Variants in PCDHGA7 observed in about 807,000 individuals in gnomAD.
PCDHGA7 encodes the protein protocadherin gamma subfamily A, 7.
Under a neutral mutation model 58.3 loss-of-function variants are expected in PCDHGA7, and 44 were observed. The ratio of observed to expected loss-of-function variants is 0.75; its 90% CI spans 0.59 to 0.97. The LOEUF (loss-of-function observed/expected upper bound fraction) is 0.97. Ranked by LOEUF, PCDHGA7 falls within the 50% of genes least tolerant of loss-of-function variation. PCDHGA7 has a pLI of 0.00. For missense variants in PCDHGA7, 1,266 were observed against 1,188.7 expected (o/e 1.06, Z -0.96); for synonymous variants, 516 against 504.2 (o/e 1.02, Z -0.31).
chr5:141,407,497 G>GTTTTTTTTTTTTTTTTTTTTTTTTT (rs1554102286), intron 1 of PCDHGA7, among the ~76,000 whole-genome samples: 1 of 151,974 alleles, frequency 6.6e-6, no homozygotes, highest in African/African-American at 2.4e-5. Context: ...CTTTATTTCT[G>GTTTTTTTTTTTTTTTTTTTTTTTTT]TTTTTCTTAG....
chr5:141,449,075 T>C (rs1452456191), intron 1 of PCDHGA7, among the ~76,000 whole-genome samples: 3 of 152,240 alleles, frequency 2.0e-5, no homozygotes, highest in African/African-American at 7.2e-5. Context: ...AATAGCCCTG[T>C]ACCTACATCA....
chr5:141,508,269 C>T (rs1459186158), intron 3 of PCDHGA7: 1 of 152,186 alleles, frequency 6.6e-6, no homozygotes, highest in East Asian at 1.9e-4. Flanking sequence ...GAGAAAATCC[C>T]GGTCCTTGAC....
chr5:141,392,568 T>A (rs2092555063), intron 1 of PCDHGA7: 4 of 442,486 alleles, frequency 9.0e-6, no homozygotes, highest in Non-Finnish European at 1.2e-5. Context: ...CAGTAACTAT[T>A]TAGGACTGTA....
chr5:141,391,000 T>C (rs2092286539), intron 1 of PCDHGA7: 1 of 152,230 alleles, frequency 6.6e-6, no homozygotes, highest in Admixed American at 6.5e-5. Flanking sequence ...TTCAAGCTCA[T>C]TCTATATCCT....
chr5:141,507,937 A>T (rs2154594220), intron 3 of PCDHGA7: 1 of 152,420 alleles, frequency 6.6e-6, no homozygotes, highest in Admixed American at 6.5e-5. Context: ...AGAGGGGTTA[A>T]GTAAGAGGGA....
chr5:141,385,582 G>C, intron 1 of PCDHGA7: 1 of 1,273,856 alleles, frequency 7.9e-7, no homozygotes, highest in Non-Finnish European at 9.9e-7. Context: ...TCCAATCTAT[G>C]TTCCAACCTA....
chr5:141,436,859 A>G (rs550974791), intron 1 of PCDHGA7, among the ~76,000 whole-genome samples: 7 of 152,250 alleles, frequency 4.6e-5, no homozygotes, highest in Non-Finnish European at 1.0e-4. Flanking sequence ...TTGAGAAGCC[A>G]CAGTTTTAGG....
intron 1 of PCDHGA7, among the ~76,000 whole-genome samples, chr5:141,494,034 A>T (rs1206242414): frequency 1.3e-5 from 2 of 152,162 alleles, no homozygotes; most frequent in Non-Finnish European, 2.9e-5. Flanking sequence ...CTGGAGACTT[A>T]GTTGGCCCTG....
At chr5:141,430,752 A>C (rs772436100) in intron 1 of PCDHGA7, 1 of 1,501,400 alleles carries the variant, frequency 6.7e-7, no homozygotes, top group East Asian at 2.3e-5. Context: ...TTCTGGAGGA[A>C]GATAAGAATG....
At chr5:141,448,150 C>T (rs1182411283) in intron 1 of PCDHGA7, among the ~76,000 whole-genome samples, 4 of 151,924 alleles carry the variant, frequency 2.6e-5, no homozygotes, top group Non-Finnish European at 5.9e-5. Flanking sequence ...CTCAGACTCA[C>T]CCCTGAAAGA....
chr5:141,447,360 A>G (rs1471046883), intron 1 of PCDHGA7, among the ~76,000 whole-genome samples: 1 of 151,914 alleles, frequency 6.6e-6, no homozygotes, highest in Non-Finnish European at 1.5e-5. Context: ...GCTGGTCTCA[A>G]ACTCCTGACC....
intron 1 of PCDHGA7, among the ~76,000 whole-genome samples, chr5:141,406,535 G>A (rs2094820779): frequency 6.6e-6 from 1 of 152,168 alleles, no homozygotes; most frequent in South Asian, 2.1e-4. Context: ...TTCTGACGAA[G>A]ATTCAAACTT....
chr5:141,410,083 C>T (rs752701599), intron 1 of PCDHGA7: 102 of 1,612,590 alleles, frequency 6.3e-5, no homozygotes, highest in Non-Finnish European at 4.7e-5. Flanking sequence ...GGGAGGTGCG[C>T]ACGGCTCGAG....
At chr5:141,417,340 C>T (rs981474163) in intron 1 of PCDHGA7, 2 of 152,874 alleles carry the variant, frequency 1.3e-5, no homozygotes, top group African/African-American at 4.8e-5. Context: ...GATAGGAGAC[C>T]TATAAACCTT....
Position 141,383,023 on chromosome 5 carries a change from G to A in PCDHGA7, c.124G>A (p.Gly42Arg), listed in dbSNP as rs1778720923. The A allele has an allele frequency of 1.2e-6, 2 of 1,613,826 alleles. No individual in the cohort carries two copies. The highest frequency in any genetic ancestry group is 1.1e-5 in the South Asian group (1 of 91,080). ...CTCCGTGTCGGAGGAGACGGACAAA[G>A]GGTCCTTTGTGGGAGACATCGCCAA... ...LYSVSEETDK[G>R]SFVGDIAKDL... is the part of the protein sequence containing the mutation. The change falls in exon 1 of 4, where the codon GGG (glycine) becomes AGG (arginine). Residue 42 changes from glycine to arginine, a missense_variant. By Grantham distance (125) the Gly-to-Arg change is moderately radical. Transcript: ENST00000518325.
intron 1 of PCDHGA7, chr5:141,478,583 C>CT (rs754743497): frequency 5.7e-6 from 9 of 1,578,146 alleles, no homozygotes; most frequent in South Asian, 1.1e-5. Flanking sequence ...CCTGTTAGTG[C>CT]TTTTTTATTC....
intron 1 of PCDHGA7, chr5:141,409,635 AC>A: frequency 6.2e-7 from 1 of 1,613,784 alleles, no homozygotes; most frequent in Non-Finnish European, 8.5e-7. Context: ...AGCGCCTCTG[AC>A]CCGGATTTGG....
chr5:141,423,848 G>C (rs1353181066), intron 1 of PCDHGA7: 1 of 1,277,462 alleles, frequency 7.8e-7, no homozygotes, highest in Non-Finnish European at 9.9e-7. Flanking sequence ...TAATCTTTCA[G>C]AACGTTTTTG....
At chr5:141,387,237 G>A (rs1273049599) in intron 1 of PCDHGA7, among the ~76,000 whole-genome samples, 2 of 152,168 alleles carry the variant, frequency 1.3e-5, no homozygotes, top group African/African-American at 4.8e-5. Flanking sequence ...AAATCAACTT[G>A]GAGGTACTTA....
Sources: gnomAD v4.1 joint callset for allele counts (sites outside exome capture counted in the v4.1 genomes callset) on GRCh38, gnomAD v4.1.1 for gene constraint, MANE v1.5 for transcripts, NCBI Gene and HGNC (gene_info 2026-07-23, HGNC 2026-07-21) for gene names.